The following MDGA2 variants were observed in gnomAD, a reference collection of about 807,000 sequenced individuals.
MDGA2 encodes the protein MAM domain containing glycosylphosphatidylinositol anchor 2, also known as MAM domain-containing glycosylphosphatidylinositol anchor protein 2.
MDGA2 carries 40 observed loss-of-function variants against 117.8 expected under a neutral mutation model. The observed-to-expected ratio is 0.34, with a 90% CI of 0.26 to 0.44. MDGA2 has a LOEUF of 0.44. Ranked by LOEUF, MDGA2 falls within the 20% of genes least tolerant of loss-of-function variation. MDGA2 has a pLI of 1.00. For synonymous variants in MDGA2, 452 were observed against 439.0 expected (o/e 1.03, Z -0.37); for missense variants, 1,123 against 1,250.6 (o/e 0.90, Z 1.54).
intron 2 of MDGA2, among the ~76,000 whole-genome samples, chr14:47,265,303 T>C (rs1471139912): frequency 6.6e-6 from 1 of 152,182 alleles, no homozygotes; most frequent in Non-Finnish European, 1.5e-5. Flanking sequence ...TATTTAATTG[T>C]AACACCGTGT....
intron 1 of MDGA2, among the ~76,000 whole-genome samples, chr14:47,543,807 A>C (rs1398895400): frequency 6.6e-6 from 1 of 152,232 alleles, no homozygotes; most frequent in East Asian, 1.9e-4. Flanking sequence ...TGGCAAAGTG[A>C]AAACTACAGA....
At chr14:47,231,247 A>T (rs1317957397) in intron 2 of MDGA2, among the ~76,000 whole-genome samples, 4 of 152,054 alleles carry the variant, frequency 2.6e-5, no homozygotes, top group Non-Finnish European at 1.5e-5. Context: ...TTATTCGGCC[A>T]AATTATTTAT....
At chr14:47,349,872 TC>T (rs545570177) in intron 1 of MDGA2, among the ~76,000 whole-genome samples, 134 of 152,308 alleles carry the variant, frequency 8.8e-4, no homozygotes, top group Admixed American at 1.6e-3. Context: ...AACCTGGCCC[TC>T]CTTTGCCTGC....
chr14:47,634,259 A>G (rs1413111288), intron 1 of MDGA2, among the ~76,000 whole-genome samples: 1 of 152,182 alleles, frequency 6.6e-6, no homozygotes, highest in Non-Finnish European at 1.5e-5. Flanking sequence ...GACACATCAA[A>G]TGCAGCCCTT....
In MDGA2 at chr14:47,191,005, C is replaced by T. The variant is rs546085122; in HGVS notation, c.595+27016G>A. 3.3e-5 allele frequency among the ~76,000 whole-genome samples: 5 copies of T among 152,218 alleles called. 1 individual carries two copies. The highest frequency in any genetic ancestry group is 9.6e-5 in the African/African-American group (4 of 41,556). Reference sequence around the variant, plus strand: ...CATTCATTCAACTATTTGAAAATATCAAGTTGAGACTTGCCCTATGGTTCT... The same window carrying T: ...CATTCATTCAACTATTTGAAAATATTAAGTTGAGACTTGCCCTATGGTTCT... On this transcript the variant is annotated intron_variant, in intron 3 of 16. Coordinates refer to ENST00000399232, the MANE Select transcript of MDGA2 (RefSeq NM_001113498.3).
intron 1 of MDGA2, among the ~76,000 whole-genome samples, chr14:47,314,201 C>T (rs748295919): frequency 5.9e-5 from 9 of 152,080 alleles, no homozygotes; most frequent in Non-Finnish European, 1.0e-4. Context: ...ATAATTTAAC[C>T]TTCCACAAAA....
chr14:46,870,323 G>C (rs1881945161), intron 14 of MDGA2, among the ~76,000 whole-genome samples: 1 of 151,832 alleles, frequency 6.6e-6, no homozygotes, highest in Non-Finnish European at 1.5e-5. Flanking sequence ...ATTTAATTAG[G>C]CTATTAGAAA....
intron 1 of MDGA2, among the ~76,000 whole-genome samples, chr14:47,323,190 A>G (rs1890039354): frequency 3.5e-5 from 4 of 115,460 alleles, no homozygotes; most frequent in African/African-American, 1.3e-4. Flanking sequence ...ATATATATAT[A>G]TATGGTATAT....
chr14:47,185,410 T>C (rs905277921), intron 3 of MDGA2, among the ~76,000 whole-genome samples: 36 of 151,720 alleles, frequency 2.4e-4, no homozygotes, highest in East Asian at 2.1e-3. Flanking sequence ...ATTCCCATTT[T>C]GTAGTTAATG....
chr14:47,644,352 T>C (rs1897485483), intron 1 of MDGA2, among the ~76,000 whole-genome samples: 1 of 152,070 alleles, frequency 6.6e-6, no homozygotes, highest in South Asian at 2.1e-4. Context: ...ATAAAGAAAA[T>C]GTGATATATA....
chr14:46,904,884 A>G (rs1272022484), intron 10 of MDGA2, among the ~76,000 whole-genome samples: 1 of 152,174 alleles, frequency 6.6e-6, no homozygotes, highest in Non-Finnish European at 1.5e-5. Flanking sequence ...GAAAATTCAC[A>G]TTTGTACTAT....
intron 3 of MDGA2, among the ~76,000 whole-genome samples, chr14:47,159,407 G>A (rs1883539329): frequency 6.6e-6 from 1 of 152,144 alleles, no homozygotes; most frequent in Non-Finnish European, 1.5e-5. Context: ...TTTAAAAATA[G>A]TTGTATAATA....
chr14:46,909,315 T>G (rs2138475011), intron 10 of MDGA2, among the ~76,000 whole-genome samples: 1 of 152,322 alleles, frequency 6.6e-6, no homozygotes, highest in East Asian at 1.9e-4. Context: ...AAGGCAGAAC[T>G]TAGTAGTAAT....
At chr14:47,066,391 T>C (rs1036680804) in intron 6 of MDGA2, among the ~76,000 whole-genome samples, 2 of 152,238 alleles carry the variant, frequency 1.3e-5, no homozygotes, top group East Asian at 1.9e-4. Flanking sequence ...TCTTGTGTTC[T>C]GAGATGCATC....
chr14:47,031,825 G>C (rs961371220), intron 8 of MDGA2, among the ~76,000 whole-genome samples: 1 of 152,128 alleles, frequency 6.6e-6, no homozygotes, highest in Non-Finnish European at 1.5e-5. Flanking sequence ...CCCTGCTCTG[G>C]CCATGTGATG....
intron 1 of MDGA2, among the ~76,000 whole-genome samples, chr14:47,304,632 T>C (rs1889384213): frequency 6.6e-6 from 1 of 152,122 alleles, no homozygotes; most frequent in African/African-American, 2.4e-5. Flanking sequence ...ATCAAAATAG[T>C]ATTTTGAAAT....
chr14:47,536,351 G>A (rs534697178), intron 1 of MDGA2, among the ~76,000 whole-genome samples: 5 of 152,350 alleles, frequency 3.3e-5, no homozygotes, highest in Admixed American at 2.0e-4. Context: ...TGATCTGGGG[G>A]ATTGTATGTC....
At chr14:47,130,195 A>G (rs1330640813) in intron 5 of MDGA2, among the ~76,000 whole-genome samples, 2 of 151,970 alleles carry the variant, frequency 1.3e-5, no homozygotes, top group East Asian at 3.9e-4. Context: ...GGTAATGCCT[A>G]GGTTTTCTTC....
chr14:47,628,071 G>A (rs977958989), intron 1 of MDGA2, among the ~76,000 whole-genome samples: 4 of 152,200 alleles, frequency 2.6e-5, no homozygotes, highest in Admixed American at 6.5e-5. Flanking sequence ...GGTGGGGTAG[G>A]TAGGTAGAAA....
Sources: gnomAD v4.1 joint callset for allele counts (sites outside exome capture counted in the v4.1 genomes callset) on GRCh38, gnomAD v4.1.1 for gene constraint, MANE v1.5 for transcripts, NCBI Gene and HGNC (gene_info 2026-07-23, HGNC 2026-07-21) for gene names.